The following COL5A1 variants were observed in gnomAD, a reference collection of about 807,000 sequenced individuals.
The protein encoded by COL5A1 is collagen type V alpha 1 chain.
COL5A1 carries 16 observed loss-of-function variants against 263.7 expected under a neutral mutation model. The observed-to-expected ratio is 0.06, with a 90% confidence interval of 0.04 to 0.09. COL5A1 has a LOEUF of 0.09. COL5A1 is among the 10% of genes least tolerant of loss of function. The pLI is 1.00. For synonymous variants in COL5A1, 1,012 were observed against 1,004.5 expected (o/e 1.01, Z -0.14); for missense variants, 2,036 against 2,540.5 (o/e 0.80, Z 4.27).
chr9:134,750,448 G>A lies in COL5A1; in HGVS notation c.1495-94G>A, dbSNP rs536077911. Reference sequence around the variant, plus strand: ...TCTGTGCGTGTCCAGTGCATTTCCCGGGTGGGCCGCTTCTCCGACGCCCTC... The same window carrying A: ...TCTGTGCGTGTCCAGTGCATTTCCCAGGTGGGCCGCTTCTCCGACGCCCTC... On this transcript the variant is annotated intron_variant, in intron 11 of 65. Transcript: ENST00000371817. The A allele has an allele frequency of 3.0e-5, 34 of 1,133,466 alleles. 1 individual carries two copies. The highest frequency in any genetic ancestry group is 1.2e-4 in the South Asian group (10 of 80,848). The allele number at this position is 1,133,466 out of a possible 1,614,324, so 70.2% of individuals were successfully genotyped here.
chr9:134,678,857 C>A lies in COL5A1; in HGVS notation c.110-12055C>A, dbSNP rs1832752680. On this transcript the variant is annotated intron_variant, in intron 1 of 65. Coordinates refer to ENST00000371817, the MANE Select transcript of COL5A1 (RefSeq NM_000093.5). The surrounding 1 kb of genome is among the most constrained non-coding windows in gnomAD (Gnocchi z 5.5). The stretch of plus-strand genomic sequence containing the variant: ...TGTCTGCTTTTTGCCAAGGCAGAGC[C>A]TGGGAAGAGGGAGCAGGGATCAGGC... Among the ~76,000 whole-genome samples the A allele has an allele frequency of 1.3e-5, 2 of 152,234 alleles. No homozygotes were observed. Among genetic ancestry groups the A allele is most frequent in the Admixed American group, 1.3e-4 (2 of 15,286 alleles).
intron 13 of COL5A1, among the ~76,000 whole-genome samples, chr9:134,751,193 C>T (rs934376703): frequency 1.3e-5 from 2 of 151,102 alleles, no homozygotes; most frequent in South Asian, 2.1e-4. Flanking sequence ...ACCCCGAGAG[C>T]GTGTCACTGT....
intron 11 of COL5A1, among the ~76,000 whole-genome samples, chr9:134,743,591 C>T (rs1049296191): frequency 1.3e-5 from 2 of 152,154 alleles, no homozygotes; most frequent in African/African-American, 2.4e-5. Flanking sequence ...CAAGCTTTCT[C>T]CAAATTGCCA....
chr9:134,766,385 T>C, intron 21 of COL5A1, 69 bp from the exon 22 acceptor site: 1 of 1,509,986 alleles, frequency 6.6e-7, no homozygotes, highest in Non-Finnish European at 9.2e-7. Context: ...TTGAGTGGGA[T>C]TTTCCTCTTG....
chr9:134,810,215 T>G (rs766145733), intron 43 of COL5A1, 40 bp from the exon 44 acceptor site: 1 of 1,610,012 alleles, frequency 6.2e-7, no homozygotes, highest in Non-Finnish European at 8.5e-7. Flanking sequence ...TCCAAACGGT[T>G]GTCAAGCTTT....
chr9:134,809,403 G>A (rs1019062774), intron 43 of COL5A1, 113 bp downstream of exon 43: 3 of 824,280 alleles, frequency 3.6e-6, no homozygotes, highest in East Asian at 2.6e-5. Context: ...TCAGCCAGCG[G>A]AGTGATGCCA....
chr9:134,824,941 A>G (rs1384178123), intron 62 of COL5A1, 86 bp downstream of exon 62: 18 of 1,505,978 alleles, frequency 1.2e-5, no homozygotes, highest in Non-Finnish European at 1.5e-5. Context: ...CAGTTCAGCC[A>G]GGCACAGCGG....
At chr9:134,823,690 G>C (rs114526120) in intron 61 of COL5A1, among the ~76,000 whole-genome samples, 1 of 152,238 alleles carries the variant, frequency 6.6e-6, no homozygotes, top group Non-Finnish European at 1.5e-5. Context: ...CTGGCCAGGA[G>C]AGAGAGGATA....
At chr9:134,738,715 C>T (rs1439633217) in intron 10 of COL5A1, 31 bp from the exon 11 acceptor site, 13 of 1,593,684 alleles carry the variant, frequency 8.2e-6, no homozygotes, top group Non-Finnish European at 1.1e-5. Context: ...GCCCCATCTT[C>T]TAACTGCCCC....
chr9:134,800,749 C>CCAAAA (rs1838081868), intron 37 of COL5A1, among the ~76,000 whole-genome samples: 2 of 81,602 alleles, frequency 2.5e-5, no homozygotes, highest in South Asian at 6.1e-4. Context: ...CTGTCTCAAA[C>CCAAAA]AAAAAAAAAA....
chr9:134,773,505 G>A (rs536668606), intron 26 of COL5A1, among the ~76,000 whole-genome samples: 2 of 152,342 alleles, frequency 1.3e-5, no homozygotes, highest in African/African-American at 2.4e-5. Context: ...TGTTGAAACC[G>A]CACACCGAGC....
chr9:134,720,113 G>T (rs1834400958), intron 4 of COL5A1, among the ~76,000 whole-genome samples: 1 of 152,188 alleles, frequency 6.6e-6, no homozygotes. Flanking sequence ...GAAGGGTCAG[G>T]GCACGGCCCA....
chr9:134,757,158 T>C lies in COL5A1; in HGVS notation c.1881+340T>C, dbSNP rs945113640. ...TATGGCAAGTGCGGGGGCCAGGGGG[T>C]CTTGTCCAGTCGGGACTCCTGGGTG... On this transcript the variant is annotated intron_variant, in intron 17 of 65. Coordinates refer to ENST00000371817, the MANE Select transcript of COL5A1 (RefSeq NM_000093.5). This position sits in a 1 kb window ranked among gnomAD's most constrained non-coding sequence, Gnocchi z 6.2. 1.3e-5 allele frequency among the ~76,000 whole-genome samples: 2 copies of C among 150,256 alleles called. No individual in the cohort carries two copies. Among genetic ancestry groups the C allele is most frequent in the African/African-American group, 4.9e-5 (2 of 40,680 alleles).
chr9:134,806,951 A>G (rs1033335354), intron 42 of COL5A1, among the ~76,000 whole-genome samples: 1 of 152,018 alleles, frequency 6.6e-6, no homozygotes, highest in Non-Finnish European at 1.5e-5. Context: ...AGTGGGGAGG[A>G]GCATGTCTTG....
chr9:134,659,417 G>A (rs974519766), intron 1 of COL5A1, among the ~76,000 whole-genome samples: 2 of 152,036 alleles, frequency 1.3e-5, no homozygotes, highest in Non-Finnish European at 2.9e-5. Context: ...TCATAAAAAA[G>A]CCTTTGAGTT....
intron 44 of COL5A1, 27 bp downstream of exon 44, chr9:134,810,335 C>T (rs756509595): frequency 6.2e-7 from 1 of 1,610,460 alleles, no homozygotes; most frequent in South Asian, 1.1e-5. Context: ...GGGCGCGCGG[C>T]AGCCCCCAGG....
At chr9:134,783,582 C>A (rs997002947) in intron 29 of COL5A1, among the ~76,000 whole-genome samples, 1 of 152,150 alleles carries the variant, frequency 6.6e-6, no homozygotes, top group Non-Finnish European at 1.5e-5. Context: ...GTGCACGCAC[C>A]GGGACGGACA....
At chr9:134,792,842 T>C (rs1837754240) in intron 32 of COL5A1, among the ~76,000 whole-genome samples, 1 of 150,208 alleles carries the variant, frequency 6.7e-6, no homozygotes, top group Non-Finnish European at 1.5e-5. Flanking sequence ...CATGTGTATG[T>C]GTGTGTGCGC....
chr9:134,825,704 G>A, intron 62 of COL5A1, 88 bp from the exon 63 acceptor site: 1 of 839,236 alleles, frequency 1.2e-6, no homozygotes. Context: ...TTTAACTGCT[G>A]GACTGAAATG....
Sources: allele counts gnomAD v4.1 joint callset (sites outside exome capture counted in the v4.1 genomes callset), GRCh38; gene constraint gnomAD v4.1.1; non-coding constraint Gnocchi (gnomAD v3.1); transcripts MANE v1.5; gene names NCBI Gene and HGNC (gene_info 2026-07-23, HGNC 2026-07-21).